SOX6: variants seen among roughly 807,000 people sequenced by gnomAD.
SOX6 encodes SRY-box transcription factor 6, also known as transcription factor SOX-6.
A neutral mutation model predicts 97.8 loss-of-function variants in SOX6; 11 were observed. That is an observed-to-expected ratio of 0.11 (90% confidence interval 0.07 to 0.19). The LOEUF (loss-of-function observed/expected upper bound fraction) is 0.19. Among genes scored for constraint, SOX6 ranks in the 10% least tolerant of loss-of-function variants. The pLI is 1.00. For missense variants in SOX6, 810 were observed against 1,039.5 expected, an observed-to-expected ratio of 0.78 and a Z score of 3.04; for synonymous variants, 360 against 371.4, an observed-to-expected ratio of 0.97 and a Z score of 0.35.
chr11:16,313,728 C>T (rs1295187404), intron 3 of SOX6: 2 of 151,464 alleles, frequency 1.3e-5, no homozygotes, highest in Admixed American at 6.6e-5. Context: ...CTCAAGATAC[C>T]AAACTCAGAA....
At chr11:15,976,830 T>C (rs944969043) in intron 15 of SOX6, among the ~76,000 whole-genome samples, 2 of 152,136 alleles carry the variant, frequency 1.3e-5, no homozygotes, top group African/African-American at 4.8e-5. Context: ...ATATTTCCAT[T>C]ATACCCTCTG....
intron 3 of SOX6, among the ~76,000 whole-genome samples, chr11:16,689,914 G>A (rs1306799604): frequency 6.8e-6 from 1 of 147,638 alleles, no homozygotes; most frequent in African/African-American, 2.5e-5. Context: ...ATCAATTTTT[G>A]TAAATGTCCC....
At chr11:16,297,651 A>G (rs1163093828) in intron 3 of SOX6, among the ~76,000 whole-genome samples, 1 of 152,218 alleles carries the variant, frequency 6.6e-6, no homozygotes, top group Non-Finnish European at 1.5e-5. Flanking sequence ...AGACCACTGC[A>G]CTACTCTCTG....
intron 2 of SOX6, among the ~76,000 whole-genome samples, chr11:16,721,027 CTTTGGGTAAG>C (rs1848257395): frequency 6.6e-6 from 1 of 152,142 alleles, no homozygotes; most frequent in Non-Finnish European, 1.5e-5. Context: ...AATTGGCCAA[CTTTGGGTAAG>C]TAGTGGGGTA....
intron 3 of SOX6, among the ~76,000 whole-genome samples, chr11:16,681,886 C>A (rs1380632273): frequency 6.6e-6 from 1 of 152,208 alleles, no homozygotes; most frequent in Non-Finnish European, 1.5e-5. Flanking sequence ...TTCCTCGACA[C>A]ATACACCCTG....
chr11:15,978,785 C>G lies in SOX6; in HGVS notation c.2184-5673G>C, dbSNP rs976006979. Reference sequence around the variant, plus strand: ...CTAGAATTTAGGAGCAAAGGGCTCACTGGAGATATAAATATATATCTATAT... The same window carrying G: ...CTAGAATTTAGGAGCAAAGGGCTCAGTGGAGATATAAATATATATCTATAT... On this transcript the variant is annotated intron_variant, in intron 15 of 15. Coordinates refer to ENST00000683767, the MANE Select transcript of SOX6 (RefSeq NM_001367873.1). Among the ~76,000 whole-genome samples, 6 of 136,242 alleles carry G rather than the reference C, an allele frequency of 4.4e-5. 1 individual carries two copies. Among genetic ancestry groups the G allele is most frequent in the African/African-American group, 1.6e-4 (6 of 37,528 alleles). The allele number at this position is 136,242 out of a possible 152,430, so 89.4% of individuals were successfully genotyped here.
chr11:16,345,206 G>C (rs562713910), intron 1 of SOX6, among the ~76,000 whole-genome samples: 1 of 152,116 alleles, frequency 6.6e-6, no homozygotes, highest in Admixed American at 6.6e-5. Flanking sequence ...TGACTACACA[G>C]AGTACATTAT....
At position 16,049,945 on chromosome 11, in the gene SOX6, G is replaced by A. The variant is rs767066420; in HGVS notation, c.1252-7C>T. On this transcript the variant is annotated splice_region_variant and splice_polypyrimidine_tract_variant and intron_variant, in intron 10 of 15. Transcript: ENST00000683767. ...GCTGTGCTGCTGCTTCATCCTACAA[G>A]AGTTTAACGTAAATAATTATTTTTA... 34 of 1,613,214 alleles carry A rather than the reference G, an allele frequency of 2.1e-5. No homozygotes were observed. Among genetic ancestry groups the A allele is most frequent in the Middle Eastern group, 1.7e-4 (1 of 6,060 alleles).
chr11:16,050,375 T>C (rs780589569), intron 10 of SOX6, among the ~76,000 whole-genome samples: 7 of 152,152 alleles, frequency 4.6e-5, no homozygotes, highest in Non-Finnish European at 1.0e-4. Flanking sequence ...AATCAAACAA[T>C]TGCAAGCACT....
At chr11:16,665,378 CTTGAATGA>C (rs1847799750) in intron 3 of SOX6, among the ~76,000 whole-genome samples, 1 of 152,120 alleles carries the variant, frequency 6.6e-6, no homozygotes, top group Non-Finnish European at 1.5e-5. Flanking sequence ...GACCTTGGGC[CTTGAATGA>C]ACATTTGTGG....
At chr11:16,095,356 G>A (rs905845269) in intron 9 of SOX6, among the ~76,000 whole-genome samples, 83 of 151,788 alleles carry the variant, frequency 5.5e-4, no homozygotes, top group African/African-American at 1.9e-3. Context: ...TCAGTGGTAA[G>A]AATATCCCAA....
At chr11:16,412,867 T>A (rs1396871372) in intron 1 of SOX6, among the ~76,000 whole-genome samples, 1 of 152,058 alleles carries the variant, frequency 6.6e-6, no homozygotes, top group Non-Finnish European at 1.5e-5. Flanking sequence ...CAGGATTGAG[T>A]CTCACTGGCC....
At chr11:16,132,286 G>A (rs369899522) in intron 6 of SOX6, among the ~76,000 whole-genome samples, 2 of 61,732 alleles carry the variant, frequency 3.2e-5, no homozygotes, top group Admixed American at 2.1e-4. Context: ...AAGGAAGGAA[G>A]GAAGGAAGGA....
At chr11:16,179,644 T>A (rs2134096178) in intron 6 of SOX6, among the ~76,000 whole-genome samples, 1 of 151,950 alleles carries the variant, frequency 6.6e-6, no homozygotes, top group African/African-American at 2.4e-5. Context: ...TGCACATTAA[T>A]CATAAAGAAA....
intron 2 of SOX6, among the ~76,000 whole-genome samples, chr11:16,730,033 T>TATAC (rs1848337187): frequency 6.7e-6 from 1 of 148,414 alleles, no homozygotes; most frequent in South Asian, 2.1e-4. Flanking sequence ...ATCCTAAATA[T>TATAC]ATATATATAT....
At chr11:16,385,914 A>G (rs557088024) in intron 1 of SOX6, among the ~76,000 whole-genome samples, 3 of 152,284 alleles carry the variant, frequency 2.0e-5, no homozygotes, top group East Asian at 1.9e-4. Context: ...TAGTCATTCA[A>G]ACTAAGAGGA....
At chr11:16,521,998 GTC>G (rs1861073310) in intron 4 of SOX6, among the ~76,000 whole-genome samples, 1 of 152,124 alleles carries the variant, frequency 6.6e-6, no homozygotes, top group African/African-American at 2.4e-5. Context: ...CCAAATCTAC[GTC>G]TGATTCGTGT....
chr11:16,299,523 A>T (rs2093717171), intron 3 of SOX6, among the ~76,000 whole-genome samples: 1 of 152,166 alleles, frequency 6.6e-6, no homozygotes. Flanking sequence ...TTCCCTAAGA[A>T]CTGGTTAATA....
intron 4 of SOX6, among the ~76,000 whole-genome samples, chr11:16,210,453 A>G (rs1018817314): frequency 1.3e-5 from 2 of 152,194 alleles, no homozygotes; most frequent in Non-Finnish European, 2.9e-5. Flanking sequence ...AGAGATAGAA[A>G]GTAGATTAGT....
Sources: gnomAD v4.1 joint callset for allele counts (sites outside exome capture counted in the v4.1 genomes callset) on GRCh38, gnomAD v4.1.1 for gene constraint, MANE v1.5 for transcripts, NCBI Gene and HGNC (gene_info 2026-07-23, HGNC 2026-07-21) for gene names.